The following SLC35F4 variants were observed in gnomAD, a reference collection of about 807,000 sequenced individuals.
SLC35F4 encodes the protein solute carrier family 35 member F4.
A neutral mutation model predicts 44.2 loss-of-function variants in SLC35F4; 24 were observed. The observed-to-expected ratio is 0.54, with a 90% CI of 0.39 to 0.76. SLC35F4 has a LOEUF of 0.76. Ranked by LOEUF, SLC35F4 falls within the 30% of genes least tolerant of loss-of-function variation. The probability of loss-of-function intolerance (pLI) is 0.00; values close to 1 mark genes in which losing one functional copy is unlikely to be tolerated. For synonymous variants in SLC35F4, 238 were observed against 223.6 expected, an observed-to-expected ratio of 1.06 and a Z score of -0.57; for missense variants, 562 against 586.1, an observed-to-expected ratio of 0.96 and a Z score of 0.42.
At chr14:57,742,499 G>A (rs2076637514) in intron 1 of SLC35F4, among the ~76,000 whole-genome samples, 2 of 152,090 alleles carry the variant, frequency 1.3e-5, no homozygotes, top group South Asian at 4.2e-4. Context: ...AATGGTAAAG[G>A]GATCAATTCA....
At chr14:57,854,702 C>T (rs116777054) in intron 1 of SLC35F4, among the ~76,000 whole-genome samples, 1 of 152,184 alleles carries the variant, frequency 6.6e-6, no homozygotes. Flanking sequence ...CCCATTCTGC[C>T]ACTCACTGGC....
At chr14:57,788,112 G>A (rs907324983) in intron 1 of SLC35F4, among the ~76,000 whole-genome samples, 9 of 152,130 alleles carry the variant, frequency 5.9e-5, no homozygotes, top group African/African-American at 9.7e-5. Context: ...AAACAAGCAC[G>A]GGTAGCTGTT....
rs192622952 is a variant in SLC35F4, at chr14:57,946,552, G to A, written n.282+35361C>T. Among the ~76,000 whole-genome samples the A allele has an allele frequency of 9.2e-3, 1,245 of 135,924 alleles. 20 individuals are homozygous for A. Among genetic ancestry groups the A allele is most frequent in the African/African-American group, 0.031 (1,096 of 35,414 alleles). 89.2% of individuals were successfully genotyped at this position (135,924 alleles called of 152,430 possible). A position where few individuals can be genotyped will look rare whatever the true frequency, so the allele number is the denominator to read the frequency against. On this transcript the variant is annotated intron_variant and non_coding_transcript_variant, in intron 1 of 1. Transcript: ENST00000556568. ...TGCAGTGGCACGATCTCCACTCACT[G>A]CAACCTCTGCCTCTCAGGCTCAAAT...
intron 1 of SLC35F4, among the ~76,000 whole-genome samples, chr14:57,704,236 C>T (rs1030980644): frequency 6.6e-6 from 1 of 152,308 alleles, no homozygotes; most frequent in East Asian, 1.9e-4. Context: ...TTAACCACCA[C>T]TTTGTGGTTT....
At chr14:57,835,865 C>G (rs977249880) in intron 1 of SLC35F4, among the ~76,000 whole-genome samples, 13 of 152,254 alleles carry the variant, frequency 8.5e-5, no homozygotes, top group African/African-American at 3.1e-4. Flanking sequence ...ATGATTTCAG[C>G]TCTTTCAGAG....
chr14:57,914,249 G>A (rs1408097929), intron 1 of SLC35F4, among the ~76,000 whole-genome samples: 2 of 152,080 alleles, frequency 1.3e-5, no homozygotes, highest in Non-Finnish European at 2.9e-5. Context: ...CAGAAAAGGG[G>A]GCCAAACTTG....
chr14:57,596,562 G>T (rs2139945969), intron 1 of SLC35F4: 1 of 378,032 alleles, frequency 2.6e-6, no homozygotes, highest in East Asian at 7.2e-5. Flanking sequence ...GGGTAATATT[G>T]GGTTTCATTT....
intron 1 of SLC35F4, among the ~76,000 whole-genome samples, chr14:57,908,203 T>G (rs1889145306): frequency 1.3e-5 from 2 of 152,232 alleles, no homozygotes; most frequent in Non-Finnish European, 2.9e-5. Context: ...TGCTGGGCAT[T>G]TGGGTTGATT....
At chr14:57,593,320 A>C (rs2070304362) in intron 2 of SLC35F4, among the ~76,000 whole-genome samples, 1 of 152,170 alleles carries the variant, frequency 6.6e-6, no homozygotes, top group African/African-American at 2.4e-5. Context: ...TAAAAACTAT[A>C]AATTTTGCTG....
chr14:57,756,459 A>G (rs2076996083), intron 1 of SLC35F4, among the ~76,000 whole-genome samples: 1 of 152,090 alleles, frequency 6.6e-6, no homozygotes, highest in Admixed American at 6.5e-5. Context: ...GTATGACTTA[A>G]ATCTTTTAAC....
intron 1 of SLC35F4, among the ~76,000 whole-genome samples, chr14:57,637,990 T>A (rs1294669216): frequency 6.6e-6 from 1 of 152,106 alleles, no homozygotes; most frequent in Non-Finnish European, 1.5e-5. Flanking sequence ...CTCTTTGTGA[T>A]AATAACAAAT....
intron 1 of SLC35F4, among the ~76,000 whole-genome samples, chr14:57,921,450 C>T (rs1343134637): frequency 6.6e-6 from 1 of 152,208 alleles, no homozygotes; most frequent in African/African-American, 2.4e-5. Flanking sequence ...GCTTTTTCAT[C>T]TCTAAAGCTG....
chr14:57,627,623 T>A lies in SLC35F4; in HGVS notation c.104-33499A>T, dbSNP rs1378957252. Among the ~76,000 whole-genome samples the A allele has an allele frequency of 2.0e-5, 3 of 152,114 alleles. No homozygotes were observed. In the East Asian group the frequency reaches 5.8e-4, roughly 29 times the overall value. ...AATCAGATGATCACAGTCTCTTAGA[T>A]GAACCCAAGAAATAATATACCAGAA... is the stretch of plus-strand genomic sequence containing the variant. On this transcript the variant is annotated intron_variant, in intron 1 of 7. Transcript: ENST00000556826.
intron 1 of SLC35F4, among the ~76,000 whole-genome samples, chr14:57,800,092 C>A (rs2078155496): frequency 6.6e-6 from 1 of 152,194 alleles, no homozygotes; most frequent in Non-Finnish European, 1.5e-5. Context: ...TAGCCACCTC[C>A]TACAGGCACG....
At chr14:57,605,475 A>G (rs1182668747) in intron 1 of SLC35F4, among the ~76,000 whole-genome samples, 1 of 152,174 alleles carries the variant, frequency 6.6e-6, no homozygotes, top group East Asian at 1.9e-4. Flanking sequence ...GTGAGGCTGC[A>G]GAAAAAATGA....
At chr14:57,754,713 C>A (rs1249140760) in intron 1 of SLC35F4, among the ~76,000 whole-genome samples, 1 of 152,184 alleles carries the variant, frequency 6.6e-6, no homozygotes, top group Non-Finnish European at 1.5e-5. Flanking sequence ...GTGTATTCCA[C>A]CTAGCACAGG....
intron 1 of SLC35F4, among the ~76,000 whole-genome samples, chr14:57,908,953 T>C (rs1889162572): frequency 6.6e-6 from 1 of 152,206 alleles, no homozygotes; most frequent in African/African-American, 2.4e-5. Flanking sequence ...CCTGAGTTAA[T>C]TTTTGTATAA....
At chr14:57,800,584 T>G (rs1003135946) in intron 1 of SLC35F4, among the ~76,000 whole-genome samples, 15 of 152,110 alleles carry the variant, frequency 9.9e-5, no homozygotes. Context: ...TAAAGGGGCA[T>G]GTTGTATCCC....
At chr14:57,973,931 CA>C (rs1427027270), downstream of SLC35F4, among the ~76,000 whole-genome samples, 4 of 152,156 alleles carry the variant, frequency 2.6e-5, no homozygotes, top group African/African-American at 9.7e-5. Flanking sequence ...CCAACCCCAC[CA>C]CTATCACCAT....
Sources: allele counts gnomAD v4.1 joint callset (sites outside exome capture counted in the v4.1 genomes callset), GRCh38; gene constraint gnomAD v4.1.1; transcripts MANE v1.5; gene names NCBI Gene and HGNC (gene_info 2026-07-23, HGNC 2026-07-21).